ADGRV1: variants seen among roughly 807,000 people sequenced by gnomAD.
The protein encoded by ADGRV1 is G-protein coupled receptor 98.
ADGRV1 carries 359 observed loss-of-function variants against 596.2 expected under a neutral mutation model. That is an observed-to-expected ratio of 0.60 (90% CI 0.55 to 0.66). ADGRV1 has a LOEUF of 0.66. ADGRV1 is among the 30% of genes least tolerant of loss of function. The pLI is 0.00. For missense variants in ADGRV1, 7,274 were observed against 7,575.6 expected (o/e 0.96, Z 1.48); for synonymous variants, 2,681 against 2,679.2 (o/e 1.00, Z -0.02).
At chr5:90,826,349 A>C (rs544860305) in intron 76 of ADGRV1, among the ~76,000 whole-genome samples, 5 of 152,302 alleles carry the variant, frequency 3.3e-5, no homozygotes, top group Non-Finnish European at 7.3e-5. Flanking sequence ...ATTTTTTGTC[A>C]AAGGAAAGAC....
At chr5:90,560,727 C>T in intron 1 of ADGRV1, among the ~76,000 whole-genome samples, 1 of 152,182 alleles carries the variant, frequency 6.6e-6, no homozygotes, top group East Asian at 1.9e-4. Context: ...TTTATTATAT[C>T]TTAAAAAGTT....
At position 90,711,204 on chromosome 5, in the gene ADGRV1, A is replaced by T; in HGVS notation, c.8924A>T (p.His2975Leu). The part of the protein sequence containing the change: ...QQSRFEVNET[H>L]GSLTLVAQRS... ...TATAGGTTTGAAGTAAATGAAACCCATGGAAGTTTAACATTGGTAGCCCAG... is the reference window on the plus strand; with the variant it reads ...TATAGGTTTGAAGTAAATGAAACCCTTGGAAGTTTAACATTGGTAGCCCAG... The change falls in exon 41 of 90, where the codon CAT becomes CTT. Residue 2975 changes from histidine (H) to leucine (L), a missense_variant. His to Leu is a moderately conservative substitution (Grantham distance 99). Around this residue, in one of 5 missense-constraint regions of ADGRV1, gnomAD observed 3,643 missense variants for 3,809.2 expected, o/e 0.96. Coordinates refer to ENST00000405460, the MANE Select transcript of ADGRV1 (RefSeq NM_032119.4). The T allele has an allele frequency of 6.2e-7, 1 of 1,612,760 alleles. No individual in the cohort carries two copies. Among genetic ancestry groups the T allele is most frequent in the Non-Finnish European group, 8.5e-7 (1 of 1,179,206 alleles).
At chr5:90,625,340 C>A in intron 6 of ADGRV1, 97 bp downstream of exon 6, 1 of 660,366 alleles carries the variant, frequency 1.5e-6, no homozygotes, top group South Asian at 2.0e-5. Context: ...CGCACCTCAG[C>A]TATAAATAGC....
chr5:90,726,878 C>A (rs1703424105), intron 48 of ADGRV1, among the ~76,000 whole-genome samples: 1 of 152,114 alleles, frequency 6.6e-6, no homozygotes, highest in South Asian at 2.1e-4. Flanking sequence ...GTAGCCTTTC[C>A]TCTGTATTCC....
intron 83 of ADGRV1, among the ~76,000 whole-genome samples, chr5:90,928,611 T>C (rs1774795456): frequency 1.3e-5 from 2 of 150,634 alleles, no homozygotes; most frequent in South Asian, 4.2e-4. Context: ...TTTGATCGTC[T>C]GAAGCCTTCT....
At chr5:90,857,933 C>CT (rs1339093417) in intron 82 of ADGRV1, among the ~76,000 whole-genome samples, 1 of 152,268 alleles carries the variant, frequency 6.6e-6, no homozygotes, top group African/African-American at 2.4e-5. Flanking sequence ...GGAATTTAAC[C>CT]TTTTTTTAAA....
chr5:90,614,641 C>A (rs369982583), intron 1 of ADGRV1, 194 bp from the exon 2 acceptor site: 1 of 634,278 alleles, frequency 1.6e-6, no homozygotes, highest in East Asian at 3.1e-5. Flanking sequence ...GAAAGAGAAC[C>A]GTAAGAATAG....
At chr5:90,632,502 C>T (rs1346567974) in intron 9 of ADGRV1, among the ~76,000 whole-genome samples, 2 of 152,136 alleles carry the variant, frequency 1.3e-5, no homozygotes, top group Admixed American at 6.5e-5. Flanking sequence ...ATATCAGTAT[C>T]CTCTATGTTA....
intron 75 of ADGRV1, among the ~76,000 whole-genome samples, chr5:90,823,152 A>T (rs1482132362): frequency 6.6e-6 from 1 of 152,224 alleles, no homozygotes; most frequent in African/African-American, 2.4e-5. Flanking sequence ...TTGTTTTTAC[A>T]TTCCTTATAC....
At chr5:90,837,040 T>C (rs1765025774) in intron 77 of ADGRV1, among the ~76,000 whole-genome samples, 2 of 152,236 alleles carry the variant, frequency 1.3e-5, no homozygotes, top group Admixed American at 1.3e-4. Context: ...AAACAGTCAT[T>C]GTAACATAGA....
intron 27 of ADGRV1, 114 bp downstream of exon 27, chr5:90,681,568 AGCC>A (rs1250864170): frequency 6.8e-6 from 7 of 1,026,292 alleles, no homozygotes; most frequent in Non-Finnish European, 9.5e-6. Flanking sequence ...GAGGGGAATG[AGCC>A]TATTGGCACA....
At chr5:91,020,519 G>A (rs1454574736) in intron 85 of ADGRV1, among the ~76,000 whole-genome samples, 2 of 151,958 alleles carry the variant, frequency 1.3e-5, no homozygotes, top group African/African-American at 4.8e-5. Flanking sequence ...CTTGCACCAG[G>A]TTACATCACT....
chr5:90,585,757 G>A (rs572670079), intron 1 of ADGRV1, among the ~76,000 whole-genome samples: 1 of 152,344 alleles, frequency 6.6e-6, no homozygotes, highest in Admixed American at 6.5e-5. Context: ...AAGTTGATGG[G>A]TCCTGCAGTG....
At chr5:90,981,258 A>G (rs554628377) in intron 84 of ADGRV1, among the ~76,000 whole-genome samples, 72 of 152,280 alleles carry the variant, frequency 4.7e-4, no homozygotes, top group African/African-American at 1.7e-3. Context: ...GGTAGAGAAG[A>G]TACATTTTTT....
chr5:90,690,582 T>G (rs188836797), intron 30 of ADGRV1, among the ~76,000 whole-genome samples: 23 of 152,322 alleles, frequency 1.5e-4, no homozygotes, highest in African/African-American at 4.8e-4. Flanking sequence ...CCCTATGGGC[T>G]TTGTGGTTTC....
chr5:91,024,361 G>A (rs929216775), intron 85 of ADGRV1, among the ~76,000 whole-genome samples: 1 of 152,126 alleles, frequency 6.6e-6, no homozygotes, highest in Non-Finnish European at 1.5e-5. Context: ...AATCATTTTA[G>A]TAGGTTAATA....
intron 9 of ADGRV1, among the ~76,000 whole-genome samples, chr5:90,631,200 T>C (rs929746160): frequency 1.3e-5 from 2 of 152,214 alleles, no homozygotes; most frequent in Admixed American, 6.5e-5. Context: ...GGGAAGGAAA[T>C]GATTTATCTT....
At chr5:90,782,703 C>T (rs1758980983) in intron 65 of ADGRV1, among the ~76,000 whole-genome samples, 1 of 151,878 alleles carries the variant, frequency 6.6e-6, no homozygotes. Context: ...TATCATAAAC[C>T]TCATTTATTT....
chr5:90,836,884 C>G (rs1226365163), intron 77 of ADGRV1, among the ~76,000 whole-genome samples: 4 of 152,190 alleles, frequency 2.6e-5, no homozygotes, highest in Non-Finnish European at 4.4e-5. Flanking sequence ...GTGTTGTTCT[C>G]TAAGTGCTAG....
Sources: gnomAD v4.1 joint callset for allele counts (sites outside exome capture counted in the v4.1 genomes callset) on GRCh38, gnomAD v4.1.1 for gene constraint, gnomAD v4.1.1 regional missense constraint, MANE v1.5 for transcripts, NCBI Gene and HGNC (gene_info 2026-07-23, HGNC 2026-07-21) for gene names.